PCDH9: variants seen among roughly 807,000 people sequenced by gnomAD.
The protein encoded by PCDH9 is protocadherin-9.
A neutral mutation model predicts 70.6 loss-of-function variants in PCDH9; 24 were observed. That is an observed-to-expected ratio of 0.34 (90% CI 0.25 to 0.48). The LOEUF is 0.48. PCDH9 is among the 20% of genes least tolerant of loss of function. PCDH9 has a pLI of 0.99. For synonymous variants in PCDH9, 562 were observed against 558.5 expected, an observed-to-expected ratio of 1.01 and a Z score of -0.09; for missense variants, 1,281 against 1,503.6, an observed-to-expected ratio of 0.85 and a Z score of 2.45.
intron 2 of PCDH9, among the ~76,000 whole-genome samples, chr13:67,106,803 T>C (rs2086554469): frequency 1.3e-5 from 2 of 152,198 alleles, no homozygotes; most frequent in Admixed American, 1.3e-4. Context: ...GGCCTCTCCC[T>C]GCCCCTGGCC....
At chr13:66,607,260 C>T (rs1466141416) in intron 4 of PCDH9, among the ~76,000 whole-genome samples, 1 of 151,956 alleles carries the variant, frequency 6.6e-6, no homozygotes, top group Non-Finnish European at 1.5e-5. Flanking sequence ...TCAGTTTTTT[C>T]ATGTGAAAAT....
chr13:66,697,761 A>G (rs955268691), intron 3 of PCDH9, among the ~76,000 whole-genome samples: 2 of 152,198 alleles, frequency 1.3e-5, no homozygotes, highest in Non-Finnish European at 2.9e-5. Flanking sequence ...TGATCCAGCA[A>G]TTCCACCTCT....
intron 4 of PCDH9, among the ~76,000 whole-genome samples, chr13:66,393,631 A>C (rs1957055910): frequency 6.6e-6 from 1 of 152,264 alleles, no homozygotes; most frequent in Non-Finnish European, 1.5e-5. Context: ...ATAAGTTAAT[A>C]ACTTTAAAAG....
At chr13:66,311,588 A>G (rs1955563227) in intron 4 of PCDH9, among the ~76,000 whole-genome samples, 1 of 152,156 alleles carries the variant, frequency 6.6e-6, no homozygotes, top group South Asian at 2.1e-4. Flanking sequence ...TAAAAATAAA[A>G]TCCATTAATT....
At chr13:67,024,843 A>G (rs933154180) in intron 2 of PCDH9, among the ~76,000 whole-genome samples, 1 of 152,152 alleles carries the variant, frequency 6.6e-6, no homozygotes, top group Non-Finnish European at 1.5e-5. Flanking sequence ...TTCCATATTT[A>G]AAAATAACAT....
chr13:66,847,958 A>T (rs2081241739), intron 3 of PCDH9, among the ~76,000 whole-genome samples: 2 of 152,168 alleles, frequency 1.3e-5, no homozygotes, highest in Admixed American at 1.3e-4. Flanking sequence ...CAGAAAGGGA[A>T]ATCTTTTATA....
At chr13:66,807,302 C>A (rs2080426253) in intron 3 of PCDH9, among the ~76,000 whole-genome samples, 1 of 152,132 alleles carries the variant, frequency 6.6e-6, no homozygotes, top group East Asian at 1.9e-4. Context: ...ATATTATTAT[C>A]ATGCTTGAAA....
At chr13:66,846,056 G>C (rs1192888921) in intron 3 of PCDH9, among the ~76,000 whole-genome samples, 1 of 147,224 alleles carries the variant, frequency 6.8e-6, no homozygotes, top group East Asian at 2.0e-4. Context: ...TTATCAACAA[G>C]ATGGGCCATA....
At chr13:66,508,573 C>T (rs1033110974) in intron 4 of PCDH9, among the ~76,000 whole-genome samples, 2 of 152,110 alleles carry the variant, frequency 1.3e-5, no homozygotes, top group African/African-American at 4.8e-5. Flanking sequence ...CATTTCAAAA[C>T]ACATCAAGAA....
At chr13:66,616,463 T>G (rs925514927) in intron 4 of PCDH9, among the ~76,000 whole-genome samples, 2 of 149,392 alleles carry the variant, frequency 1.3e-5, no homozygotes, top group African/African-American at 4.9e-5. Flanking sequence ...TATCATACAT[T>G]CGTCATTAAA....
At chr13:66,718,124 G>C (rs547527449) in intron 3 of PCDH9, among the ~76,000 whole-genome samples, 5 of 152,262 alleles carry the variant, frequency 3.3e-5, no homozygotes, top group African/African-American at 1.2e-4. Context: ...AATATGCTCA[G>C]GGTCAAAACA....
intron 4 of PCDH9, among the ~76,000 whole-genome samples, chr13:66,365,223 G>A (rs979582003): frequency 7.2e-5 from 11 of 152,176 alleles, no homozygotes; most frequent in African/African-American, 2.7e-4. Flanking sequence ...CAGGCAGGGA[G>A]CAGAACGACA....
At position 66,631,401 on chromosome 13, in the gene PCDH9, C is replaced by G. The variant is rs754586265; in HGVS notation, c.3149G>C (p.Arg1050Pro). ...GCCATCAGGGAGATGAAACGTAACA[C>G]GGCGCTGCGACTACAAAGAAGACCA... ...NEESHYESQR[R>P]VTFHLPDGSQ... is the part of the protein sequence containing the mutation. The change falls in exon 4 of 5, where the codon CGT (arginine) becomes CCT (proline). Residue 1050 changes from arginine to proline, a missense_variant. By Grantham distance (103) the Arg-to-Pro change is moderately radical (BLOSUM62 -2). Around this residue, in one of 4 missense-constraint regions of PCDH9, gnomAD observed 264 missense variants for 278.8 expected, o/e 0.95. Coordinates refer to ENST00000377865, the MANE Select transcript of PCDH9 (RefSeq NM_203487.3). 1 of 1,605,000 alleles carries G rather than the reference C, an allele frequency of 6.2e-7. No homozygotes were observed. Among genetic ancestry groups the G allele is most frequent in the Non-Finnish European group, 8.5e-7 (1 of 1,171,902 alleles).
At chr13:66,334,463 G>GA (rs1955999424) in intron 4 of PCDH9, among the ~76,000 whole-genome samples, 2 of 152,004 alleles carry the variant, frequency 1.3e-5, no homozygotes, top group Non-Finnish European at 2.9e-5. Flanking sequence ...TTTTTTAAGA[G>GA]AATGAATGAT....
At chr13:66,595,480 G>A (rs1270527082) in intron 4 of PCDH9, among the ~76,000 whole-genome samples, 1 of 151,682 alleles carries the variant, frequency 6.6e-6, no homozygotes. Context: ...ATATAAAGGG[G>A]TGAGATTTCT....
chr13:67,173,458 A>G (rs2088354471), intron 2 of PCDH9, among the ~76,000 whole-genome samples: 1 of 152,162 alleles, frequency 6.6e-6, no homozygotes, highest in Non-Finnish European at 1.5e-5. Context: ...CCTGATTCAC[A>G]ATATAGAGAC....
intron 2 of PCDH9, among the ~76,000 whole-genome samples, chr13:66,930,352 CCT>C (rs2082787232): frequency 6.6e-6 from 1 of 151,850 alleles, no homozygotes; most frequent in Admixed American, 6.6e-5. Flanking sequence ...TTTCCTATGC[CCT>C]GTCAGTGACA....
chr13:67,071,422 T>G (rs1426660119), intron 2 of PCDH9, among the ~76,000 whole-genome samples: 2 of 152,130 alleles, frequency 1.3e-5, no homozygotes, highest in African/African-American at 2.4e-5. Context: ...GCCAAAACCT[T>G]GGTAGGGATA....
intron 2 of PCDH9, among the ~76,000 whole-genome samples, chr13:66,939,778 T>G (rs2082978905): frequency 6.6e-6 from 1 of 151,992 alleles, no homozygotes; most frequent in Admixed American, 6.6e-5. Flanking sequence ...AAATTATGAA[T>G]GAAAATGACT....
Sources: gnomAD v4.1 joint callset for allele counts (sites outside exome capture counted in the v4.1 genomes callset) on GRCh38, gnomAD v4.1.1 for gene constraint, gnomAD v4.1.1 regional missense constraint, MANE v1.5 for transcripts, NCBI Gene and HGNC (gene_info 2026-07-23, HGNC 2026-07-21) for gene names.